Variants in DHCR7 observed in about 807,000 individuals in gnomAD.
DHCR7 encodes 7-dehydrocholesterol reductase, also known as 7-DHC reductase.
In DHCR7, 40 loss-of-function variants were observed where a neutral mutation model predicts 43.3. The ratio of observed to expected loss-of-function variants is 0.92; its 90% CI spans 0.72 to 1.20. The LOEUF (loss-of-function observed/expected upper bound fraction) is 1.20. Among genes scored for constraint, DHCR7 ranks in the 50% most tolerant of loss-of-function variants. DHCR7 has a pLI of 0.00. For missense variants in DHCR7, 608 were observed against 644.6 expected, an observed-to-expected ratio of 0.94 and a Z score of 0.62; for synonymous variants, 298 against 271.4, an observed-to-expected ratio of 1.10 and a Z score of -0.96.
Position 71,442,346 on chromosome 11 carries a change from A to G in DHCR7, c.329T>C (p.Leu110Pro). Reference sequence around the variant, plus strand: ...GCAGAAGTCAGGGAGAGACGTGTACAGAAGCACCTGAAACACACAAGCAGC... The same window carrying G: ...GCAGAAGTCAGGGAGAGACGTGTACGGAAGCACCTGAAACACACAAGCAGC... The part of the protein sequence containing the change: ...YTLWVTFQVL[L>P]YTSLPDFCHK... The change falls in exon 5 of 9, where the codon CTG (leucine) becomes CCG (proline). Residue 110 changes from leucine to proline, a missense_variant. Coordinates refer to ENST00000355527, the MANE Select transcript of DHCR7 (RefSeq NM_001360.3). 6.2e-7 allele frequency: 1 copy of G among 1,613,770 alleles called. No homozygotes were observed.
rs758669580 is a variant in DHCR7, at chr11:71,439,098, T to G, written c.627-15A>C. ...CTGTGAATTTGCTTAAAAATATAAA[T>G]AAAAGATACATTTAGTGGATGAGCA... is the stretch of plus-strand genomic sequence containing the variant. On this transcript the variant is annotated splice_polypyrimidine_tract_variant and intron_variant, in intron 6 of 8. Transcript: ENST00000355527. 5 of 1,608,748 alleles carry G rather than the reference T, an allele frequency of 3.1e-6. No homozygotes were observed. Among genetic ancestry groups the G allele is most frequent in the Non-Finnish European group, 4.3e-6 (5 of 1,176,398 alleles).
chr11:71,431,562 C>T (rs183444024), downstream of DHCR7, among the ~76,000 whole-genome samples: 1 of 152,342 alleles, frequency 6.6e-6, no homozygotes, highest in South Asian at 2.1e-4. Flanking sequence ...GGAAACCCCC[C>T]TCCTGGCCAG....
At chr11:71,437,735 C>T (rs1272701823) in intron 8 of DHCR7, 77 bp downstream of exon 8, 4 of 1,600,406 alleles carry the variant, frequency 2.5e-6, no homozygotes, top group Non-Finnish European at 2.6e-6. Flanking sequence ...CCCCCAAGGA[C>T]AGACGCTTCT....
At chr11:71,447,515 T>C (rs1339733233) in intron 2 of DHCR7, 95 bp downstream of exon 2, 2 of 152,226 alleles carry the variant, frequency 1.3e-5, no homozygotes, top group Non-Finnish European at 1.5e-5. Flanking sequence ...AGACAGTCGT[T>C]GGCACTCGAG....
chr11:71,431,531 C>T (rs527470477), downstream of DHCR7, among the ~76,000 whole-genome samples: 4 of 152,298 alleles, frequency 2.6e-5, no homozygotes, highest in South Asian at 2.1e-4. Flanking sequence ...AGTCGGCCCT[C>T]GGTGGCACCA....
intron 2 of DHCR7, among the ~76,000 whole-genome samples, chr11:71,429,290 G>A (rs1410230245): frequency 2.0e-5 from 3 of 152,206 alleles, no homozygotes; most frequent in Non-Finnish European, 4.4e-5. Context: ...CCCTCAGAAC[G>A]ACCCTGGCTT....
At chr11:71,443,167 A>C (rs1292184474) in intron 4 of DHCR7, among the ~76,000 whole-genome samples, 1 of 152,210 alleles carries the variant, frequency 6.6e-6, no homozygotes, top group Non-Finnish European at 1.5e-5. Context: ...CAGTGGGCAC[A>C]GTGTTCTGTT....
rs146369326 is a variant in DHCR7, at chr11:71,440,790, G to C, written c.626+437C>G. On this transcript the variant is annotated intron_variant, in intron 6 of 8. Coordinates refer to ENST00000355527, the MANE Select transcript of DHCR7 (RefSeq NM_001360.3). ...GGACAGAGATGAGTGGCTCACCACT[G>C]TCCAGCCATGGGAATGGGTACAAGC... Among the ~76,000 whole-genome samples the C allele has an allele frequency of 9.2e-5, 14 of 152,142 alleles. 1 individual carries two copies. In the East Asian group the frequency reaches 2.5e-3, roughly 27 times the overall value.
At position 71,435,582 on chromosome 11, in the gene DHCR7, G is replaced by A; in HGVS notation, c.1221C>T (p.Asn407=). The part of the protein sequence containing the change: ...SGFWGVARHF[N]YVGDLMGSLA... Reference sequence around the variant, plus strand: ...GGCTGCCCATCAGGTCGCCGACGTAGTTGAAGTGGCGGGCCACGCCCCAGA... The same window carrying A: ...GGCTGCCCATCAGGTCGCCGACGTAATTGAAGTGGCGGGCCACGCCCCAGA... The change falls in exon 9 of 9, where the codon AAC becomes AAT. Residue 407 remains asparagine (N), a synonymous_variant. Transcript: ENST00000355527. 1 of 1,611,434 alleles carries A rather than the reference G, an allele frequency of 6.2e-7. No homozygotes were observed. The highest frequency in any genetic ancestry group is 1.3e-5 in the African/African-American group (1 of 75,072).
downstream of DHCR7, among the ~76,000 whole-genome samples, chr11:71,434,064 G>GA (rs1949245031): frequency 6.6e-6 from 1 of 152,214 alleles, no homozygotes; most frequent in Non-Finnish European, 1.5e-5. Context: ...CTGCCTGTGT[G>GA]AAACTCTTGT....
At chr11:71,447,860 C>G (rs1195247385) in intron 1 of DHCR7, 126 bp from the exon 2 acceptor site, 1 of 152,384 alleles carries the variant, frequency 6.6e-6, no homozygotes, top group East Asian at 1.9e-4. Context: ...CTTCAACAGC[C>G]GCATGTCAGG....
chr11:71,447,558 G>C (rs548247894), intron 2 of DHCR7, 52 bp downstream of exon 2: 1 of 152,206 alleles, frequency 6.6e-6, no homozygotes, highest in East Asian at 1.9e-4. Context: ...TACTTTCAAC[G>C]CTGTGAAGCC....
At chr11:71,441,512 T>C in intron 5 of DHCR7, 72 bp from the exon 6 acceptor site, 1 of 1,323,902 alleles carries the variant, frequency 7.6e-7, no homozygotes, top group Non-Finnish European at 1.1e-6. Flanking sequence ...GGCTGAAGCA[T>C]GCCTGGCGGG....
chr11:71,441,443 G>A lies in DHCR7; in HGVS notation c.413-3C>T. ...GATCTGATACTTGTTCACAACCCCT[G>A]CAGATGAAGGATTCAGAAATGAAGG... On this transcript the variant is annotated splice_polypyrimidine_tract_variant and splice_region_variant and intron_variant, in intron 5 of 8. Transcript: ENST00000355527. 2.5e-6 allele frequency: 4 copies of A among 1,608,810 alleles called. No individual in the cohort carries two copies. Among genetic ancestry groups the A allele is most frequent in the Non-Finnish European group, 3.4e-6 (4 of 1,176,694 alleles).
chr11:71,431,032 G>C (rs1050570721), downstream of DHCR7, among the ~76,000 whole-genome samples: 3 of 152,332 alleles, frequency 2.0e-5, no homozygotes, highest in South Asian at 2.1e-4. Flanking sequence ...GTGCATGCCT[G>C]TAATCCCAGC....
At chr11:71,448,129 G>A (rs1330593495) in intron 1 of DHCR7, 161 bp downstream of exon 1, 1 of 152,706 alleles carries the variant, frequency 6.5e-6, no homozygotes, top group Non-Finnish European at 1.5e-5. Context: ...GAGCCCCAGC[G>A]GCCCCTCGCC....
rs749591513 is a variant in DHCR7 at position 71,441,246 on chromosome 11, G to A, written c.607C>T (p.Pro203Ser). The change falls in exon 6 of 9, where the codon CCC (proline) becomes TCC (serine). Residue 203 changes from proline (P) to serine (S), a missense_variant. Coordinates refer to ENST00000355527, the MANE Select transcript of DHCR7 (RefSeq NM_001360.3). ...TFAMVKGYFF[P>S]TSARDCKFTG... ...ACATACCAGTCTCTGGCGCTGGTGG[G>A]GAAGAAGTAGCCCTTGACCATGGCG... 4 of 1,614,196 alleles carry A rather than the reference G, an allele frequency of 2.5e-6. No homozygotes were observed. Among genetic ancestry groups the A allele is most frequent in the Non-Finnish European group, 2.5e-6 (3 of 1,180,032 alleles).
chr11:71,437,008 C>T (rs899426838), intron 8 of DHCR7, among the ~76,000 whole-genome samples: 12 of 152,152 alleles, frequency 7.9e-5, no homozygotes, highest in African/African-American at 2.7e-4. Flanking sequence ...GAAATGGGGC[C>T]GGGTGGGCCA....
intron 4 of DHCR7, among the ~76,000 whole-genome samples, chr11:71,443,044 C>G (rs1949365345): frequency 6.6e-6 from 1 of 152,218 alleles, no homozygotes; most frequent in African/African-American, 2.4e-5. Context: ...ATAAAGGGAA[C>G]CACACAGTAT....
Sources: gnomAD v4.1 joint callset for allele counts (sites outside exome capture counted in the v4.1 genomes callset) on GRCh38, gnomAD v4.1.1 for gene constraint, MANE v1.5 for transcripts, NCBI Gene and HGNC (gene_info 2026-07-23, HGNC 2026-07-21) for gene names.